Variants in LRBA observed in about 807,000 individuals in gnomAD.
LRBA encodes lipopolysaccharide-responsive and beige-like anchor protein.
LRBA carries 176 observed loss-of-function variants against 330.0 expected under a neutral mutation model. That is an observed-to-expected ratio of 0.53 (90% CI 0.47 to 0.60). LRBA has a LOEUF of 0.60. Among genes scored for constraint, LRBA ranks in the 20% least tolerant of loss-of-function variants. The probability of loss-of-function intolerance (pLI) is 0.00; values close to 1 mark genes in which losing one functional copy is unlikely to be tolerated. For missense variants in LRBA, 3,259 were observed against 3,444.8 expected (o/e 0.95, Z 1.35); for synonymous variants, 1,230 against 1,193.0 (o/e 1.03, Z -0.64).
chr4:150,893,226 G>C (rs747391367), intron 16 of LRBA, 77 bp from the exon 17 acceptor site: 44 of 729,594 alleles, frequency 6.0e-5, no homozygotes, highest in Non-Finnish European at 9.4e-5. Flanking sequence ...TTCTGAAATA[G>C]AAATTTCAAC....
chr4:150,966,324 T>C (rs1738879788), intron 2 of LRBA, among the ~76,000 whole-genome samples: 3 of 151,922 alleles, frequency 2.0e-5, no homozygotes, highest in South Asian at 2.1e-4. Context: ...TTTTTTTTTT[T>C]TGAGACGGAG....
At chr4:150,339,632 G>A (rs778767233) in intron 48 of LRBA, among the ~76,000 whole-genome samples, 4 of 151,968 alleles carry the variant, frequency 2.6e-5, no homozygotes, top group African/African-American at 4.8e-5. Flanking sequence ...ACATTTTGGG[G>A]TCCATAATTC....
chr4:150,512,912 T>C (rs956698376), intron 40 of LRBA, among the ~76,000 whole-genome samples: 4 of 152,130 alleles, frequency 2.6e-5, no homozygotes, highest in Admixed American at 6.6e-5. Context: ...ACAAATGTGA[T>C]AGATGAACAC....
intron 47 of LRBA, among the ~76,000 whole-genome samples, chr4:150,402,178 TA>T (rs1745574918): frequency 6.6e-6 from 1 of 151,514 alleles, no homozygotes; most frequent in African/African-American, 2.4e-5. Flanking sequence ...TGCAAGTTTT[TA>T]TAAGTTTGGA....
At chr4:150,874,604 G>C (rs1753796082) in intron 17 of LRBA, among the ~76,000 whole-genome samples, 1 of 152,218 alleles carries the variant, frequency 6.6e-6, no homozygotes, top group South Asian at 2.1e-4. Flanking sequence ...CCTGGAACCA[G>C]TCTGCATGTG....
At chr4:150,520,062 G>A (rs939141144) in intron 40 of LRBA, among the ~76,000 whole-genome samples, 1 of 152,058 alleles carries the variant, frequency 6.6e-6, no homozygotes, top group Non-Finnish European at 1.5e-5. Context: ...CTAATATTTA[G>A]TAGACACAAG....
At chr4:150,284,030 A>G (rs1747864663) in intron 54 of LRBA, among the ~76,000 whole-genome samples, 1 of 152,262 alleles carries the variant, frequency 6.6e-6, no homozygotes, top group Admixed American at 6.5e-5. Flanking sequence ...AAACTGCAGT[A>G]AAGAAATGGA....
intron 36 of LRBA, among the ~76,000 whole-genome samples, chr4:150,699,531 A>AT (rs1472855826): frequency 6.6e-6 from 1 of 152,182 alleles, no homozygotes; most frequent in Non-Finnish European, 1.5e-5. Context: ...GATGGCAGAG[A>AT]TAAGAGTCCT....
intron 29 of LRBA, among the ~76,000 whole-genome samples, chr4:150,831,371 T>C (rs1747164342): frequency 6.6e-6 from 1 of 152,210 alleles, no homozygotes; most frequent in African/African-American, 2.4e-5. Flanking sequence ...AGATATTGAA[T>C]GAATATCGAG....
chr4:150,624,826 G>C (rs1002370901), intron 37 of LRBA, among the ~76,000 whole-genome samples: 10 of 151,952 alleles, frequency 6.6e-5, no homozygotes, highest in Non-Finnish European at 1.2e-4. Context: ...TACAACTTTT[G>C]TCAATTAAAA....
intron 34 of LRBA, among the ~76,000 whole-genome samples, chr4:150,794,370 AAAG>A (rs1246062060): frequency 6.6e-6 from 1 of 152,176 alleles, no homozygotes; most frequent in Admixed American, 6.5e-5. Context: ...TAACTATAGA[AAAG>A]AATATTAATA....
rs1223175231 is a variant in LRBA, at chr4:150,584,443, T to C, written c.6330+3605A>G. On this transcript the variant is annotated intron_variant, in intron 40 of 56. Coordinates refer to ENST00000651943, the MANE Select transcript of LRBA (RefSeq NM_001364905.1). ...AGTAGTTCCCCCCCCTTTTCCTTCT[T>C]TCCCCCTATCCTTTTTCTCTCCACC... 9 of 102,820 alleles carry C rather than the reference T, an allele frequency of 8.8e-5. 1 individual carries two copies. Among genetic ancestry groups the C allele is most frequent in the Non-Finnish European group, 2.0e-4 (8 of 40,096 alleles). The allele number at this position is 102,820 out of a possible 1,614,324, so 6.4% of individuals were successfully genotyped here. A position where few individuals can be genotyped will look rare whatever the true frequency, so the allele number is the denominator to read the frequency against.
intron 37 of LRBA, among the ~76,000 whole-genome samples, chr4:150,614,046 T>C (rs1453486512): frequency 6.6e-6 from 1 of 152,250 alleles, no homozygotes; most frequent in African/African-American, 2.4e-5. Flanking sequence ...TCTGCGCAGA[T>C]CCACACTAAC....
At chr4:150,495,209 AT>A (rs1259999748) in intron 40 of LRBA, among the ~76,000 whole-genome samples, 27 of 152,104 alleles carry the variant, frequency 1.8e-4, no homozygotes, top group Non-Finnish European at 3.1e-4. Flanking sequence ...TGTTTTTAGG[AT>A]TATCATCTAT....
chr4:150,504,577 G>A (rs553796536), intron 40 of LRBA, among the ~76,000 whole-genome samples: 2 of 152,264 alleles, frequency 1.3e-5, no homozygotes, highest in East Asian at 1.9e-4. Flanking sequence ...CTGCCCTAAA[G>A]GAGCTCCTGA....
intron 47 of LRBA, among the ~76,000 whole-genome samples, chr4:150,405,367 A>T (rs1399416382): frequency 6.6e-6 from 1 of 152,246 alleles, no homozygotes; most frequent in Admixed American, 6.5e-5. Flanking sequence ...TCCATTTCAT[A>T]AAGAGATTTC....
In LRBA at chr4:150,834,324, G is replaced by A. The variant is rs116348810; in HGVS notation, c.4570-2348C>T. Among the ~76,000 whole-genome samples the A allele has an allele frequency of 1.2e-3, 188 of 152,220 alleles. 3 individuals carry two copies. Among genetic ancestry groups the A allele is most frequent in the African/African-American group, 4.4e-3 (183 of 41,542 alleles). On this transcript the variant is annotated intron_variant, in intron 28 of 56. Transcript: ENST00000651943. ...GGAATTACTATCTATAGCAGCTACA[G>A]CCTGATAAAATGTATGTCTTAAATA...
intron 53 of LRBA, among the ~76,000 whole-genome samples, chr4:150,290,872 C>A (rs987934965): frequency 6.6e-6 from 1 of 152,164 alleles, no homozygotes; most frequent in Admixed American, 6.5e-5. Flanking sequence ...CTTACAGAGA[C>A]AACTATAACA....
At position 150,557,249 on chromosome 4, in the gene LRBA, G is replaced by A. The variant is rs181072565; in HGVS notation, c.6330+30799C>T. Among the ~76,000 whole-genome samples the A allele has an allele frequency of 4.2e-3, 637 of 152,206 alleles. 4 individuals carry two copies. The highest frequency in any genetic ancestry group is 0.014 in the African/African-American group (588 of 41,504). ...CATTAAAGTAATTATGACCACCAGTGAATTATTAACCATTGAAAATAAGAA... is the reference window on the plus strand; with the variant it reads ...CATTAAAGTAATTATGACCACCAGTAAATTATTAACCATTGAAAATAAGAA... On this transcript the variant is annotated intron_variant, in intron 40 of 56. Transcript: ENST00000651943.
Sources: gnomAD v4.1 joint callset for allele counts (sites outside exome capture counted in the v4.1 genomes callset) on GRCh38, gnomAD v4.1.1 for gene constraint, MANE v1.5 for transcripts, NCBI Gene and HGNC (gene_info 2026-07-23, HGNC 2026-07-21) for gene names.